Variants in RBFOX1 observed in about 807,000 individuals in gnomAD.
RBFOX1 encodes RNA binding fox-1 homolog 1, also known as RNA binding protein fox-1 homolog 1.
Under a neutral mutation model 57.7 loss-of-function variants are expected in RBFOX1, and 8 were observed. That is an observed-to-expected ratio of 0.14 (90% CI 0.08 to 0.25). The LOEUF (loss-of-function observed/expected upper bound fraction) is 0.25, where lower values mean the gene tolerates loss of function less well. Among genes scored for constraint, RBFOX1 ranks in the 10% least tolerant of loss-of-function variants. The probability of loss-of-function intolerance (pLI) is 1.00; values close to 1 mark genes in which losing one functional copy is unlikely to be tolerated. For missense variants in RBFOX1, 611 were observed against 548.5 expected (o/e 1.11, Z -1.14); for synonymous variants, 326 against 222.4 (o/e 1.47, Z -4.15).
At chr16:7,294,531 A>T (rs2095853786) in intron 4 of RBFOX1, among the ~76,000 whole-genome samples, 1 of 152,082 alleles carries the variant, frequency 6.6e-6, no homozygotes, top group Admixed American at 6.6e-5. Flanking sequence ...CAAGAAAAAA[A>T]AAAAAAAAGA....
intron 4 of RBFOX1, among the ~76,000 whole-genome samples, chr16:5,939,204 C>T (rs552765708): frequency 6.6e-6 from 1 of 152,236 alleles, no homozygotes; most frequent in East Asian, 1.9e-4. Flanking sequence ...CAAACCTGCC[C>T]ATTGTGCACA....
chr16:6,258,749 C>G (rs2097684052), intron 1 of RBFOX1, among the ~76,000 whole-genome samples: 1 of 152,102 alleles, frequency 6.6e-6, no homozygotes, highest in African/African-American at 2.4e-5. Context: ...TTAAAAATAA[C>G]TAAGAGAGTT....
chr16:5,380,242 T>C (rs1312934690), intron 1 of RBFOX1, among the ~76,000 whole-genome samples: 1 of 152,226 alleles, frequency 6.6e-6, no homozygotes, highest in Non-Finnish European at 1.5e-5. Flanking sequence ...TGCCTTTGCA[T>C]GTACGGTCGA....
At chr16:6,615,334 C>T (rs1364823636) in intron 2 of RBFOX1, among the ~76,000 whole-genome samples, 3 of 152,108 alleles carry the variant, frequency 2.0e-5, no homozygotes, top group African/African-American at 7.2e-5. Flanking sequence ...CTTTGGGAGG[C>T]CAAGGCGGGT....
At chr16:5,586,246 A>C (rs1380507833) in intron 2 of RBFOX1, among the ~76,000 whole-genome samples, 1 of 152,178 alleles carries the variant, frequency 6.6e-6, no homozygotes, top group African/African-American at 2.4e-5. Flanking sequence ...TCAGGCCTTC[A>C]GAACTATGAG....
intron 3 of RBFOX1, among the ~76,000 whole-genome samples, chr16:6,964,294 T>C (rs1041197027): frequency 6.6e-6 from 1 of 152,212 alleles, no homozygotes; most frequent in African/African-American, 2.4e-5. Flanking sequence ...GGTGGGATTA[T>C]AGGCATGAGC....
intron 2 of RBFOX1, among the ~76,000 whole-genome samples, chr16:6,617,516 G>C (rs567047065): frequency 2.8e-4 from 43 of 152,026 alleles, no homozygotes; most frequent in African/African-American, 9.6e-4. Context: ...AGTTTCACTG[G>C]ACCCTATAGA....
intron 4 of RBFOX1, among the ~76,000 whole-genome samples, chr16:7,074,906 G>C (rs981054632): frequency 6.6e-6 from 1 of 152,174 alleles, no homozygotes; most frequent in African/African-American, 2.4e-5. Context: ...ATCCCCCAGT[G>C]AGACATTGTG....
intron 3 of RBFOX1, among the ~76,000 whole-genome samples, chr16:5,627,823 T>G (rs1221439693): frequency 6.6e-6 from 1 of 152,220 alleles, no homozygotes; most frequent in Non-Finnish European, 1.5e-5. Flanking sequence ...AAGCATAGGT[T>G]CTATGCAAAT....
chr16:6,747,039 C>T (rs925067300), intron 3 of RBFOX1, among the ~76,000 whole-genome samples: 2 of 152,126 alleles, frequency 1.3e-5, no homozygotes, highest in South Asian at 4.1e-4. Flanking sequence ...CTACAGAAGT[C>T]CTAGCAGACC....
intron 4 of RBFOX1, among the ~76,000 whole-genome samples, chr16:7,111,142 A>G (rs1048123029): frequency 2.0e-5 from 3 of 152,334 alleles, no homozygotes; most frequent in Admixed American, 2.0e-4. Flanking sequence ...GTTGTTGGAC[A>G]TAAATTGATG....
chr16:6,991,596 G>A (rs749583852), intron 3 of RBFOX1, among the ~76,000 whole-genome samples: 1 of 152,220 alleles, frequency 6.6e-6, no homozygotes. Flanking sequence ...GAGTTCAGTG[G>A]TGCAATCTCA....
At chr16:7,544,524 G>C (rs1419257415) in intron 5 of RBFOX1, among the ~76,000 whole-genome samples, 2 of 152,134 alleles carry the variant, frequency 1.3e-5, no homozygotes. Context: ...AAGGTAAGAA[G>C]TCCAAGGGGC....
intron 3 of RBFOX1, among the ~76,000 whole-genome samples, chr16:5,828,143 A>G (rs1229521754): frequency 1.3e-5 from 2 of 151,598 alleles, no homozygotes; most frequent in Admixed American, 1.3e-4. Flanking sequence ...CCATCCATCC[A>G]TGCATTCAGT....
intron 4 of RBFOX1, among the ~76,000 whole-genome samples, chr16:7,505,398 A>T (rs759723097): frequency 1.3e-5 from 2 of 152,164 alleles, no homozygotes; most frequent in Non-Finnish European, 2.9e-5. Flanking sequence ...AAAAGTGAGA[A>T]ACTCCATCTT....
intron 3 of RBFOX1, among the ~76,000 whole-genome samples, chr16:5,848,051 A>G (rs775152208): frequency 6.6e-6 from 1 of 152,130 alleles, no homozygotes; most frequent in Non-Finnish European, 1.5e-5. Flanking sequence ...TGCATGGCAG[A>G]TGCACCTGAA....
chr16:6,644,773 C>T (rs1168323583), intron 2 of RBFOX1, among the ~76,000 whole-genome samples: 3 of 152,138 alleles, frequency 2.0e-5, no homozygotes, highest in African/African-American at 4.8e-5. Context: ...TGTGATTGCC[C>T]TGGGATTCCT....
intron 4 of RBFOX1, among the ~76,000 whole-genome samples, chr16:5,927,753 A>G (rs192353939): frequency 1.1e-4 from 16 of 152,376 alleles, no homozygotes; most frequent in Admixed American, 9.8e-4. Context: ...ACATGATGGA[A>G]TACTATTCAG....
chr16:5,329,590 A>C (rs2064688120), intron 1 of RBFOX1, among the ~76,000 whole-genome samples: 2 of 152,340 alleles, frequency 1.3e-5, no homozygotes, highest in Admixed American at 1.3e-4. Context: ...TACATAATTT[A>C]TTCAAGTTTA....
Sources: allele counts gnomAD v4.1 joint callset (sites outside exome capture counted in the v4.1 genomes callset), GRCh38; gene constraint gnomAD v4.1.1; transcripts MANE v1.5; gene names NCBI Gene and HGNC (gene_info 2026-07-23, HGNC 2026-07-21).